ODAD4: variants seen among roughly 807,000 people sequenced by gnomAD.
ODAD4 encodes the protein outer dynein arm-docking complex subunit 4.
A neutral mutation model predicts 51.8 loss-of-function variants in ODAD4; 49 were observed. That is an observed-to-expected ratio of 0.95 (90% CI 0.75 to 1.20). ODAD4 has a LOEUF of 1.20. Ranked by LOEUF, ODAD4 falls within the 50% of genes most tolerant of loss-of-function variation. The pLI is 0.00. For missense variants in ODAD4, 590 were observed against 586.5 expected (o/e 1.01, Z -0.06); for synonymous variants, 235 against 221.3 (o/e 1.06, Z -0.55).
chr17:41,966,421 TA>T lies in ODAD4; in HGVS notation c.*948del, dbSNP rs1330603541. ...ATGATAATATTTTAATCCAATGTGG[TA>T]AAAAAAAAAGTTTTTAATTAATGCA... On this transcript the variant is annotated 3_prime_UTR_variant, in exon 12 of 12. Coordinates refer to ENST00000377540, the MANE Select transcript of ODAD4 (RefSeq NM_031421.5). Among the ~76,000 whole-genome samples the T allele has an allele frequency of 9.4e-4, 140 of 148,620 alleles. No homozygotes were observed. Among genetic ancestry groups the T allele is most frequent in the Middle Eastern group, 3.4e-3 (1 of 292 alleles).
At chr17:41,948,003 A>C (rs2050609904) in intron 8 of ODAD4, among the ~76,000 whole-genome samples, 1 of 151,864 alleles carries the variant, frequency 6.6e-6, no homozygotes, top group African/African-American at 2.4e-5. Flanking sequence ...CTGTAATCCC[A>C]GCTACTTGGG....
chr17:41,937,131 C>T (rs1159790287), intron 5 of ODAD4: 1 of 580,366 alleles, frequency 1.7e-6, no homozygotes, highest in African/African-American at 1.9e-5. Context: ...TAGGCAATGA[C>T]ATGGCTTATA....
At chr17:41,935,898 G>A (rs1376970053) in intron 3 of ODAD4, 149 bp downstream of exon 3, 14 of 939,866 alleles carry the variant, frequency 1.5e-5, no homozygotes, top group Non-Finnish European at 2.0e-5. Flanking sequence ...TGTTGTTGAG[G>A]ATTAGCCGGG....
intron 9 of ODAD4, among the ~76,000 whole-genome samples, chr17:41,949,742 G>A (rs914819129): frequency 5.3e-5 from 8 of 151,866 alleles, no homozygotes; most frequent in East Asian, 1.9e-4. Flanking sequence ...GTGCGATCTC[G>A]GCTCATTGCA....
At chr17:41,951,171 G>A (rs1767218201) in intron 9 of ODAD4, among the ~76,000 whole-genome samples, 1 of 150,246 alleles carries the variant, frequency 6.7e-6, no homozygotes, top group Non-Finnish European at 1.5e-5. Flanking sequence ...TGCAACCTCC[G>A]CCTCCCGTGT....
In ODAD4 at chr17:41,955,062, A is replaced by G. The variant is rs577296330; in HGVS notation, c.1343-155A>G. On this transcript the variant is annotated intron_variant, in intron 9 of 11. Coordinates refer to ENST00000377540, the MANE Select transcript of ODAD4 (RefSeq NM_031421.5). Reference sequence around the variant, plus strand: ...GAACACGGTGGAAAGGATGGTGCTGAGCAGCTCAGTGATGCTTCCCTGGGG... The same window carrying G: ...GAACACGGTGGAAAGGATGGTGCTGGGCAGCTCAGTGATGCTTCCCTGGGG... 8.4e-6 allele frequency: 6 copies of G among 715,432 alleles called. No homozygotes were observed. In the South Asian group the frequency reaches 8.7e-5, roughly 10 times the overall value. 44.3% of individuals were successfully genotyped at this position (715,432 alleles called of 1,614,324 possible).
At chr17:41,938,867 T>C in intron 6 of ODAD4, 86 bp downstream of exon 6, 4 of 1,568,454 alleles carry the variant, frequency 2.6e-6, no homozygotes, top group Non-Finnish European at 3.5e-6. Flanking sequence ...GAGCCCCTGG[T>C]CTCTCAGACC....
chr17:41,930,908 T>A, intron 1 of ODAD4, 71 bp downstream of exon 1: 1 of 982,474 alleles, frequency 1.0e-6, no homozygotes, highest in Non-Finnish European at 1.5e-6. Context: ...TTTTTTTTTT[T>A]TTGTGACGGA....
rs555102980 is a variant in ODAD4 at position 41,931,857 on chromosome 17, TA to T, written c.114+1022del. On this transcript the variant is annotated intron_variant, in intron 1 of 11. Coordinates refer to ENST00000377540, the MANE Select transcript of ODAD4 (RefSeq NM_031421.5). ...GCACCAACCAGCAACATTATTATAG[TA>T]ACCCTAGTATAAATTGCATCATCCC... is the stretch of plus-strand genomic sequence containing the variant. 9.2e-5 allele frequency among the ~76,000 whole-genome samples: 14 copies of T among 152,298 alleles called. No homozygotes were observed. The South Asian group carries it at 2.5e-3, about 27-fold the overall frequency.
rs1555641683 is a variant in ODAD4, at chr17:41,961,398, A to G, written c.1460A>G (p.Asn487Ser). 2.7e-6 allele frequency: 2 copies of G among 747,132 alleles called. No individual in the cohort carries two copies. Among genetic ancestry groups the G allele is most frequent in the East Asian group, 5.1e-5 (2 of 39,564 alleles). 46.3% of individuals were successfully genotyped at this position (747,132 alleles called of 1,614,324 possible). A position where few individuals can be genotyped will look rare whatever the true frequency, so the allele number is the denominator to read the frequency against. The change falls in exon 11 of 12, where the codon AAC becomes AGC. Residue 487 changes from asparagine (N) to serine (S), a missense_variant. This residue lies in a region of ODAD4 where 226 missense variants were observed against 162.7 expected (regional missense o/e 1.39). Coordinates refer to ENST00000377540, the MANE Select transcript of ODAD4 (RefSeq NM_031421.5). Reference protein sequence around the residue: ...QAIISALDDANKGIIRELRKT... With the variant: ...QAIISALDDASKGIIRELRKT... ...CATCCACAGGCCTTGGACGATGCCAACAAGGGTATCATCAGAGAACTGAGG... is the reference window on the plus strand; with the variant it reads ...CATCCACAGGCCTTGGACGATGCCAGCAAGGGTATCATCAGAGAACTGAGG...
chr17:41,945,109 A>G (rs1334697408), intron 7 of ODAD4, 27 bp from the exon 8 acceptor site: 3 of 1,584,696 alleles, frequency 1.9e-6, no homozygotes, highest in East Asian at 4.5e-5. Flanking sequence ...TTTCTAGTGA[A>G]TGGCTTGTTT....
chr17:41,951,792 G>C (rs1368484775), intron 9 of ODAD4, among the ~76,000 whole-genome samples: 1 of 147,506 alleles, frequency 6.8e-6, no homozygotes, highest in Non-Finnish European at 1.5e-5. Context: ...GCTGAGGCAG[G>C]AGAACTGCTT....
At chr17:41,949,618 A>G (rs2050628221) in intron 9 of ODAD4, among the ~76,000 whole-genome samples, 1 of 152,032 alleles carries the variant, frequency 6.6e-6, no homozygotes, top group African/African-American at 2.4e-5. Flanking sequence ...CATCCTCACA[A>G]CAGTGCCCAT....
chr17:41,944,540 A>G (rs2050560565), intron 7 of ODAD4, among the ~76,000 whole-genome samples: 2 of 151,708 alleles, frequency 1.3e-5, no homozygotes, highest in Non-Finnish European at 2.9e-5. Flanking sequence ...CTGTAATCCC[A>G]GCACTTTGGG....
At chr17:41,960,162 C>G (rs1358771060) in intron 10 of ODAD4, among the ~76,000 whole-genome samples, 1 of 152,106 alleles carries the variant, frequency 6.6e-6, no homozygotes, top group Non-Finnish European at 1.5e-5. Flanking sequence ...ATTGTCCTAG[C>G]CCACAAGAAG....
intron 10 of ODAD4, among the ~76,000 whole-genome samples, chr17:41,958,996 A>G (rs1467316114): frequency 6.6e-6 from 1 of 151,832 alleles, no homozygotes; most frequent in African/African-American, 2.4e-5. Context: ...CCTGGGCGAC[A>G]GAGCGAGACT....
At chr17:41,943,389 G>A (rs1487208051) in intron 7 of ODAD4, among the ~76,000 whole-genome samples, 1 of 152,164 alleles carries the variant, frequency 6.6e-6, no homozygotes, top group Non-Finnish European at 1.5e-5. Context: ...CTTTGTGTGA[G>A]CAACAAGGCT....
At position 41,936,508 on chromosome 17, in the gene ODAD4, C is replaced by G. The variant is rs375976105; in HGVS notation, c.433C>G (p.Leu145Val). 210 of 1,613,252 alleles carry G rather than the reference C, an allele frequency of 1.3e-4. 4 individuals carry two copies. The Middle Eastern group carries it at 1.6e-3, about 12-fold the overall frequency. Residue 145 changes from leucine to valine, a missense_variant, in exon 4 of 12, where the codon CTC becomes GTC. By Grantham distance (32) the Leu-to-Val change is conservative. Around this residue, in one of 3 missense-constraint regions of ODAD4, gnomAD observed 360 missense variants for 407.5 expected, o/e 0.88. Coordinates refer to ENST00000377540, the MANE Select transcript of ODAD4 (RefSeq NM_031421.5). ...SSIKLENKGD[L>V]SFLSKQAENI... ...CATTAAGCTGGAGAACAAAGGGGAC[C>G]TCTCCTTCTTAAGCAAGCAGGCTGA...
chr17:41,931,699 G>A (rs933628163), intron 1 of ODAD4, among the ~76,000 whole-genome samples: 5 of 151,874 alleles, frequency 3.3e-5, no homozygotes, highest in Non-Finnish European at 7.4e-5. Context: ...GTCCCACCAC[G>A]CCTGGCTAAT....
Sources: allele counts gnomAD v4.1 joint callset (sites outside exome capture counted in the v4.1 genomes callset), GRCh38; gene constraint gnomAD v4.1.1; regional missense constraint gnomAD v4.1.1; transcripts MANE v1.5; gene names NCBI Gene and HGNC (gene_info 2026-07-23, HGNC 2026-07-21).